The following KLRD1 variants were observed in gnomAD, a reference collection of about 807,000 sequenced individuals.
The protein encoded by KLRD1 is natural killer cells antigen CD94.
Under a neutral mutation model 22.6 loss-of-function variants are expected in KLRD1, and 21 were observed. That is an observed-to-expected ratio of 0.93 (90% CI 0.66 to 1.34). The LOEUF is 1.34. Ranked by LOEUF, KLRD1 falls within the 40% of genes most tolerant of loss-of-function variation. The probability of loss-of-function intolerance (pLI) is 0.00; values close to 1 mark genes in which losing one functional copy is unlikely to be tolerated. For synonymous variants in KLRD1, 59 were observed against 71.1 expected (o/e 0.83, Z 0.85); for missense variants, 183 against 208.6 (o/e 0.88, Z 0.76).
In KLRD1 at chr12:10,316,835, A is replaced by T. The variant is rs1378176262; in HGVS notation, c.*2042A>T. 1 of 152,166 alleles carries T rather than the reference A, an allele frequency of 6.6e-6. No homozygotes were observed. The highest frequency in any genetic ancestry group is 1.9e-4 in the East Asian group (1 of 5,194). The allele number at this position is 152,166 out of a possible 1,614,324, so 9.4% of individuals were successfully genotyped here. The stretch of plus-strand genomic sequence containing the variant: ...GAACCTGCAGGTTTGTTACATAGGT[A>T]TACATGTTCCAAGGTGGTTTGCTGC... On this transcript the variant is annotated 3_prime_UTR_variant, in exon 6 of 6. Coordinates refer to ENST00000336164, the MANE Select transcript of KLRD1 (RefSeq NM_002262.5).
At position 10,314,974 on chromosome 12, in the gene KLRD1, A is replaced by G. The variant is rs1215179220; in HGVS notation, c.*181A>G. The G allele has an allele frequency of 4.2e-6, 2 of 474,196 alleles. No homozygotes were observed. The highest frequency in any genetic ancestry group is 8.1e-5 in the East Asian group (2 of 24,660). 29.4% of individuals were successfully genotyped at this position (474,196 alleles called of 1,614,324 possible). On this transcript the variant is annotated 3_prime_UTR_variant, in exon 6 of 6. Transcript: ENST00000336164. ...GTTTTAAAATTGATGAAATTCGTTC[A>G]CCTACATTTGAGAATTATAAAATTA...
At chr12:10,314,039 A>T (rs1950162499) in intron 5 of KLRD1, among the ~76,000 whole-genome samples, 1 of 152,004 alleles carries the variant, frequency 6.6e-6, no homozygotes, top group Non-Finnish European at 1.5e-5. Flanking sequence ...CATCCAAGTT[A>T]ATGCTCAAGT....
At chr12:10,300,632 A>G (rs1217047137), upstream of KLRD1, among the ~76,000 whole-genome samples, 2 of 152,222 alleles carry the variant, frequency 1.3e-5, no homozygotes, top group Admixed American at 6.5e-5. Context: ...AAAGTTACCA[A>G]CTGCATTAGC....
At chr12:10,306,397 C>G (rs773983570), upstream of KLRD1, among the ~76,000 whole-genome samples, 1 of 151,980 alleles carries the variant, frequency 6.6e-6, no homozygotes. Context: ...GACTGATGGA[C>G]GTATTCTCAC....
In KLRD1 at chr12:10,327,509, C is replaced by A. The variant is rs1007847115; in HGVS notation, c.*12716C>A. 6.6e-6 allele frequency: 1 copy of A among 152,172 alleles called. No homozygotes were observed. The highest frequency in any genetic ancestry group is 2.4e-5 in the African/African-American group (1 of 41,432). 9.4% of individuals were successfully genotyped at this position (152,172 alleles called of 1,614,324 possible). A position where few individuals can be genotyped will look rare whatever the true frequency, so the allele number is the denominator to read the frequency against. ...TACAAATATTTTAACTATATGAAGTCTTTTAATAAATGAATATAGGAGGAT... is the reference window on the plus strand; with the variant it reads ...TACAAATATTTTAACTATATGAAGTATTTTAATAAATGAATATAGGAGGAT... On this transcript the variant is annotated 3_prime_UTR_variant, in exon 6 of 6. Coordinates refer to ENST00000336164, the MANE Select transcript of KLRD1 (RefSeq NM_002262.5).
chr12:10,243,442 C>T (rs945087345), intron 1 of KLRD1, among the ~76,000 whole-genome samples: 1 of 151,396 alleles, frequency 6.6e-6, no homozygotes, highest in Non-Finnish European at 1.5e-5. Context: ...GGCAAAACCC[C>T]ATCTCTACTG....
At chr12:10,252,350 A>G (rs1017262805) in intron 1 of KLRD1, among the ~76,000 whole-genome samples, 3 of 152,150 alleles carry the variant, frequency 2.0e-5, no homozygotes, top group Admixed American at 6.5e-5. Flanking sequence ...TAAATAATAC[A>G]AAACTTAGCT....
intron 1 of KLRD1, among the ~76,000 whole-genome samples, chr12:10,287,885 T>C (rs987681752): frequency 1.3e-5 from 2 of 151,874 alleles, no homozygotes; most frequent in African/African-American, 2.4e-5. Flanking sequence ...CTGGCTAACA[T>C]GGTGAAACCC....
intron 1 of KLRD1, among the ~76,000 whole-genome samples, chr12:10,255,166 CT>C (rs2137624190): frequency 6.6e-6 from 1 of 152,244 alleles, no homozygotes; most frequent in African/African-American, 2.4e-5. Flanking sequence ...TAGTTCAACC[CT>C]TGTGGAAAGC....
Position 10,319,594 on chromosome 12 carries a change from C to A in KLRD1, c.*4801C>A, listed in dbSNP as rs904456215. On this transcript the variant is annotated 3_prime_UTR_variant, in exon 6 of 6. Transcript: ENST00000336164. ...ATCTGGGGAAAACCAGTTATAATGT[C>A]ATGAGCAGCCCTGTTGAAAGGACCA... The A allele has an allele frequency of 6.6e-6, 1 of 152,224 alleles. No homozygotes were observed. Among genetic ancestry groups the A allele is most frequent in the Non-Finnish European group, 1.5e-5 (1 of 68,060 alleles). The allele number at this position is 152,224 out of a possible 1,614,324, so 9.4% of individuals were successfully genotyped here. A position where few individuals can be genotyped will look rare whatever the true frequency, so the allele number is the denominator to read the frequency against.
At chr12:10,275,751 TATG>T (rs2137648791) in intron 1 of KLRD1, among the ~76,000 whole-genome samples, 1 of 152,342 alleles carries the variant, frequency 6.6e-6, no homozygotes, top group South Asian at 2.1e-4. Context: ...GATAAACTTT[TATG>T]ATAATAAAAA....
chr12:10,282,258 AT>A (rs753332995), intron 1 of KLRD1, among the ~76,000 whole-genome samples: 347 of 143,302 alleles, frequency 2.4e-3, no homozygotes, highest in Middle Eastern at 3.7e-3. Flanking sequence ...GTATACATAC[AT>A]TTTTTTTTTT....
intron 1 of KLRD1, among the ~76,000 whole-genome samples, chr12:10,295,712 C>T (rs1459136112): frequency 6.6e-6 from 1 of 151,946 alleles, no homozygotes; most frequent in Admixed American, 6.5e-5. Flanking sequence ...GAAACATTTA[C>T]AATAAATCAA....
chr12:10,313,652 C>A, intron 5 of KLRD1, 139 bp downstream of exon 5: 8 of 466,714 alleles, frequency 1.7e-5, no homozygotes, highest in East Asian at 6.9e-5. Flanking sequence ...GGAAAAAGTA[C>A]AACAAAATAA....
chr12:10,264,934 A>G (rs530067630), intron 1 of KLRD1, among the ~76,000 whole-genome samples: 2 of 152,240 alleles, frequency 1.3e-5, no homozygotes, highest in East Asian at 1.9e-4. Flanking sequence ...GATTCCACAT[A>G]TAAGTGATAT....
intron 1 of KLRD1, among the ~76,000 whole-genome samples, chr12:10,287,492 A>C (rs1298737606): frequency 6.6e-6 from 1 of 152,188 alleles, no homozygotes; most frequent in Non-Finnish European, 1.5e-5. Context: ...ATAAATTCTA[A>C]GTTTTAAAAA....
chr12:10,296,570 T>G (rs1447624683), intron 1 of KLRD1, among the ~76,000 whole-genome samples: 3 of 151,492 alleles, frequency 2.0e-5, no homozygotes, highest in Admixed American at 1.3e-4. Flanking sequence ...ACAAAGGAAG[T>G]GCAAGGCAGA....
intron 1 of KLRD1, among the ~76,000 whole-genome samples, chr12:10,241,766 A>G (rs1949243282): frequency 6.6e-6 from 1 of 152,180 alleles, no homozygotes; most frequent in South Asian, 2.1e-4. Flanking sequence ...TTGTTTATAT[A>G]TGTGTATGTA....
rs3867487 is a variant in KLRD1, at chr12:10,317,697, G to A, written c.*2904G>A. ...TTTTACCTCAATGCCACCGGCCCAG[G>A]TAGCCGTTGCTCACCCACAACATTA... On this transcript the variant is annotated 3_prime_UTR_variant, in exon 6 of 6. Coordinates refer to ENST00000336164, the MANE Select transcript of KLRD1 (RefSeq NM_002262.5). 150,083 of 152,324 alleles carry A rather than the reference G, an allele frequency of 0.99. 73,967 individuals carry two copies. Among genetic ancestry groups the A allele is most frequent in the East Asian group, 1 (5,188 of 5,188 alleles). The allele number at this position is 152,324 out of a possible 1,614,324, so 9.4% of individuals were successfully genotyped here.
Sources: gnomAD v4.1 joint callset for allele counts (sites outside exome capture counted in the v4.1 genomes callset) on GRCh38, gnomAD v4.1.1 for gene constraint, MANE v1.5 for transcripts, NCBI Gene and HGNC (gene_info 2026-07-23, HGNC 2026-07-21) for gene names.